TRIQK: variants seen among roughly 807,000 people sequenced by gnomAD.
The protein encoded by TRIQK is triple QxxK/R motif containing, also known as triple QxxK/R motif-containing protein.
Under a neutral mutation model 10.8 loss-of-function variants are expected in TRIQK, and 10 were observed. That is an observed-to-expected ratio of 0.92 (90% CI 0.57 to 1.57). TRIQK has a LOEUF of 1.57. TRIQK is among the 40% of genes most tolerant of loss of function. The pLI is 0.00. For missense variants in TRIQK, 107 were observed against 97.7 expected, an observed-to-expected ratio of 1.09 and a Z score of -0.40; for synonymous variants, 33 against 33.7, an observed-to-expected ratio of 0.98 and a Z score of 0.07.
chr8:92,934,694 G>A (rs1352628526), intron 2 of TRIQK, among the ~76,000 whole-genome samples: 2 of 151,890 alleles, frequency 1.3e-5, no homozygotes, highest in Non-Finnish European at 2.9e-5. Flanking sequence ...TTAGCACTTT[G>A]TTAGTATTTG....
intron 2 of TRIQK, among the ~76,000 whole-genome samples, chr8:92,943,269 T>C (rs1254761825): frequency 6.6e-6 from 1 of 152,148 alleles, no homozygotes; most frequent in Non-Finnish European, 1.5e-5. Flanking sequence ...ACAGATTCAA[T>C]GCAATTCCTG....
At position 92,988,072 on chromosome 8, in the gene TRIQK, T is replaced by A. The variant is rs1471680230; in HGVS notation, c.-181+29537A>T. ...CCCAGGCTGGAGTGCAGTGGCGCGA[T>A]CTCGGCTCACTGCAAGCAAGCTCCG... is the stretch of plus-strand genomic sequence containing the variant. On this transcript the variant is annotated intron_variant, in intron 1 of 4. Transcript: ENST00000520686. Among the ~76,000 whole-genome samples, 9 of 145,344 alleles carry A rather than the reference T, an allele frequency of 6.2e-5. No homozygotes were observed. The East Asian group carries it at 2.0e-3, about 32-fold the overall frequency.
At chr8:92,994,975 T>C (rs1813138245) in intron 1 of TRIQK, among the ~76,000 whole-genome samples, 1 of 152,070 alleles carries the variant, frequency 6.6e-6, no homozygotes, top group Admixed American at 6.6e-5. Context: ...ACAGTCACAA[T>C]ATTATTAAAT....
chr8:92,899,661 C>T (rs1808813535), intron 3 of TRIQK, among the ~76,000 whole-genome samples: 1 of 152,150 alleles, frequency 6.6e-6, no homozygotes, highest in South Asian at 2.1e-4. Flanking sequence ...TTGATGGACA[C>T]TTAGGTTGCT....
intron 1 of TRIQK, among the ~76,000 whole-genome samples, chr8:92,998,210 T>G (rs1214959942): frequency 6.6e-6 from 1 of 152,032 alleles, no homozygotes; most frequent in African/African-American, 2.4e-5. Context: ...AATGAATAAT[T>G]AATGGTTACA....
In TRIQK at chr8:92,884,939, C is replaced by A. The variant is rs1731047582; in HGVS notation, c.*1683G>T. 2 of 456,038 alleles carry A rather than the reference C, an allele frequency of 4.4e-6. No homozygotes were observed. Among genetic ancestry groups the A allele is most frequent in the Non-Finnish European group, 8.8e-6 (2 of 226,728 alleles). The allele number at this position is 456,038 out of a possible 1,614,324, so 28.2% of individuals were successfully genotyped here. ...TCCAAAATGCCAGCTTGGATATTCCCTTGCCACCCACTTGACGAACAGACA... is the reference window on the plus strand; with the variant it reads ...TCCAAAATGCCAGCTTGGATATTCCATTGCCACCCACTTGACGAACAGACA... On this transcript the variant is annotated 3_prime_UTR_variant, in exon 5 of 5. Transcript: ENST00000521988.
At chr8:92,906,810 G>C (rs760875549) in intron 3 of TRIQK, among the ~76,000 whole-genome samples, 1 of 151,490 alleles carries the variant, frequency 6.6e-6, no homozygotes, top group Non-Finnish European at 1.5e-5. Flanking sequence ...GGAGAATGGC[G>C]TGAACCTGGG....
chr8:92,960,191 C>A (rs1480023450), intron 1 of TRIQK, among the ~76,000 whole-genome samples: 2 of 151,990 alleles, frequency 1.3e-5, no homozygotes, highest in Non-Finnish European at 2.9e-5. Flanking sequence ...TCTTCAGGAA[C>A]AACTATTTGT....
intron 2 of TRIQK, chr8:92,927,895 G>T (rs955899037): frequency 1.3e-5 from 2 of 152,042 alleles, no homozygotes; most frequent in African/African-American, 4.8e-5. Flanking sequence ...TCTGGAAGTG[G>T]CAATAAAAAA....
intron 2 of TRIQK, chr8:92,929,394 T>C: frequency 6.6e-6 from 1 of 152,262 alleles, no homozygotes; most frequent in Middle Eastern, 3.4e-3. Context: ...CACTTGTTTT[T>C]CCCAAAACCT....
chr8:93,016,807 G>A (rs1191423470), intron 1 of TRIQK, among the ~76,000 whole-genome samples: 1 of 152,142 alleles, frequency 6.6e-6, no homozygotes, highest in Non-Finnish European at 1.5e-5. Context: ...GAGCTGGGTA[G>A]GTAGCACATC....
intron 2 of TRIQK, among the ~76,000 whole-genome samples, chr8:92,920,535 GA>G (rs1250353314): frequency 4.7e-4 from 68 of 144,968 alleles, no homozygotes; most frequent in African/African-American, 1.5e-3. Flanking sequence ...TAAAAAAAAA[GA>G]AAAAAAAAAG....
intron 4 of TRIQK, 139 bp downstream of exon 4, chr8:92,891,850 A>G (rs1276326473): frequency 1.6e-6 from 1 of 634,528 alleles, no homozygotes. Context: ...AATTCTTTAC[A>G]AAAACCTTTA....
intron 1 of TRIQK, among the ~76,000 whole-genome samples, chr8:92,960,925 T>G (rs2130709984): frequency 6.6e-6 from 1 of 152,320 alleles, no homozygotes; most frequent in South Asian, 2.1e-4. Context: ...CTCTCATATT[T>G]TCAGTTTCTC....
At chr8:92,890,212 T>G (rs1053625182) in intron 4 of TRIQK, among the ~76,000 whole-genome samples, 26 of 151,864 alleles carry the variant, frequency 1.7e-4, no homozygotes, top group African/African-American at 6.0e-4. Context: ...TATGCCAGAT[T>G]TGAAATGTAA....
chr8:92,907,181 C>T (rs370038867), intron 3 of TRIQK, among the ~76,000 whole-genome samples: 2 of 152,124 alleles, frequency 1.3e-5, no homozygotes, highest in South Asian at 4.1e-4. Context: ...ACCATCATTT[C>T]TATTTCTTGT....
intron 1 of TRIQK, among the ~76,000 whole-genome samples, chr8:92,998,644 A>C (rs1813177141): frequency 1.3e-5 from 2 of 152,094 alleles, no homozygotes; most frequent in African/African-American, 4.8e-5. Context: ...TTAGAAAATG[A>C]ATTTTATTAA....
chr8:92,926,944 T>C (rs1810477044), intron 2 of TRIQK, among the ~76,000 whole-genome samples: 1 of 152,108 alleles, frequency 6.6e-6, no homozygotes, highest in Non-Finnish European at 1.5e-5. Context: ...CCAGCTACTC[T>C]GGAAGCTGAA....
At chr8:92,969,148 C>G (rs1812848425), upstream of TRIQK, among the ~76,000 whole-genome samples, 2 of 152,096 alleles carry the variant, frequency 1.3e-5, no homozygotes, top group African/African-American at 4.8e-5. Context: ...CAGTTCTGTT[C>G]CACTGGTCTA....
Sources: allele counts gnomAD v4.1 joint callset (sites outside exome capture counted in the v4.1 genomes callset), GRCh38; gene constraint gnomAD v4.1.1; transcripts MANE v1.5; gene names NCBI Gene and HGNC (gene_info 2026-07-23, HGNC 2026-07-21).